Variants in DCC observed in about 807,000 individuals in gnomAD.
The protein encoded by DCC is netrin receptor DCC.
Under a neutral mutation model 172.5 loss-of-function variants are expected in DCC, and 58 were observed. The observed-to-expected ratio is 0.34, with a 90% CI of 0.27 to 0.42. The LOEUF (loss-of-function observed/expected upper bound fraction) is 0.42, where lower values mean the gene tolerates loss of function less well. Ranked by LOEUF, DCC falls within the 10% of genes least tolerant of loss-of-function variation. The pLI, the probability that DCC is intolerant of heterozygous loss-of-function variation, is 1.00. For missense variants in DCC, 1,740 were observed against 1,791.0 expected (o/e 0.97, Z 0.51); for synonymous variants, 709 against 644.5 (o/e 1.10, Z -1.52).
intron 1 of DCC, among the ~76,000 whole-genome samples, chr18:52,355,523 C>T (rs751288903): frequency 2.0e-5 from 3 of 152,190 alleles, no homozygotes; most frequent in Non-Finnish European, 2.9e-5. Context: ...AAACATTACA[C>T]TCAAGGATTA....
chr18:52,541,873 G>GTGTGTATATATATATATATATATATA (rs1555695209), intron 1 of DCC, among the ~76,000 whole-genome samples: 4 of 30,056 alleles, frequency 1.3e-4, no homozygotes, highest in South Asian at 8.9e-4. Flanking sequence ...ATGTGTGTGT[G>GTGTGTATATATATATATATATATATA]TGTATATATA....
intron 5 of DCC, among the ~76,000 whole-genome samples, chr18:52,962,179 A>G (rs1336736300): frequency 6.6e-6 from 1 of 151,252 alleles, no homozygotes; most frequent in Non-Finnish European, 1.5e-5. Context: ...GCAACCTACA[A>G]AATGGGAGAA....
intron 12 of DCC, among the ~76,000 whole-genome samples, chr18:53,224,971 G>A (rs1449564607): frequency 6.6e-6 from 1 of 152,142 alleles, no homozygotes; most frequent in African/African-American, 2.4e-5. Context: ...ACTACAGTTA[G>A]AAAAAATATG....
At chr18:52,692,312 T>C (rs994246949) in intron 1 of DCC, among the ~76,000 whole-genome samples, 1 of 152,184 alleles carries the variant, frequency 6.6e-6, no homozygotes, top group Non-Finnish European at 1.5e-5. Flanking sequence ...AATCAAACTT[T>C]AAGGGAAGCT....
At position 53,279,413 on chromosome 18, in the gene DCC, C is replaced by T. The variant is rs369845572; in HGVS notation, c.1912-26165C>T. ...ATCGCAAGGACAAAAAACCAAATACCGCATGTTTTCACTCATAGGTGGGAA... is the reference window on the plus strand; with the variant it reads ...ATCGCAAGGACAAAAAACCAAATACTGCATGTTTTCACTCATAGGTGGGAA... On this transcript the variant is annotated intron_variant, in intron 12 of 28. Coordinates refer to ENST00000442544, the MANE Select transcript of DCC (RefSeq NM_005215.4). Among the ~76,000 whole-genome samples, 21 of 146,588 alleles carry T rather than the reference C, an allele frequency of 1.4e-4. No homozygotes were observed. In the East Asian group the frequency reaches 2.9e-3, roughly 21 times the overall value.
intron 1 of DCC, among the ~76,000 whole-genome samples, chr18:52,740,074 A>G (rs1486381625): frequency 2.6e-5 from 4 of 152,140 alleles, no homozygotes; most frequent in African/African-American, 9.7e-5. Flanking sequence ...CCTTCAGGTG[A>G]AGACACATGA....
At chr18:53,425,664 CT>C (rs1318531757) in intron 21 of DCC, among the ~76,000 whole-genome samples, 1 of 151,992 alleles carries the variant, frequency 6.6e-6, no homozygotes, top group African/African-American at 2.4e-5. Context: ...TCCTGGCCCC[CT>C]ATTCCTTCTT....
intron 1 of DCC, among the ~76,000 whole-genome samples, chr18:52,705,964 A>C (rs1230959311): frequency 1.3e-5 from 2 of 152,174 alleles, no homozygotes; most frequent in Non-Finnish European, 2.9e-5. Flanking sequence ...GTTAACAAAG[A>C]ATGTAGGTCA....
Position 53,526,211 on chromosome 18 carries a change from C to T in DCC, c.4112-406C>T, listed in dbSNP as rs565082000. 2.0e-5 allele frequency among the ~76,000 whole-genome samples: 3 copies of T among 152,262 alleles called. No individual in the cohort carries two copies. The East Asian group carries it at 5.8e-4, about 29-fold the overall frequency. On this transcript the variant is annotated intron_variant, in intron 27 of 28. Transcript: ENST00000442544. ...AGAGCAACCATCTCTTCTAACTCTG[C>T]AAATCTTCCTTGGTTCTGCTATGCA...
chr18:53,463,196 T>C (rs2045580708), intron 24 of DCC, among the ~76,000 whole-genome samples: 1 of 152,234 alleles, frequency 6.6e-6, no homozygotes, highest in Non-Finnish European at 1.5e-5. Flanking sequence ...GTTTTGCCAA[T>C]GACTTCTAAG....
rs2042029295 is a variant in DCC, at chr18:53,031,789, A to G, written c.986-31516A>G. On this transcript the variant is annotated intron_variant, in intron 5 of 28. Transcript: ENST00000442544. ...TTGGGAAGGACTCCTAAGGTTTTGT[A>G]ACATACTCTTTGTAGCATATGTTTT... is the stretch of plus-strand genomic sequence containing the variant. Among the ~76,000 whole-genome samples the G allele has an allele frequency of 1.3e-5, 2 of 152,152 alleles. 1 individual carries two copies.
At chr18:53,111,758 T>G (rs1054580823) in intron 7 of DCC, among the ~76,000 whole-genome samples, 1 of 151,680 alleles carries the variant, frequency 6.6e-6, no homozygotes, top group Non-Finnish European at 1.5e-5. Context: ...TTGGAATTAA[T>G]TGAATAACTG....
intron 1 of DCC, among the ~76,000 whole-genome samples, chr18:52,743,334 G>T (rs886560290): frequency 2.6e-5 from 4 of 152,192 alleles, no homozygotes; most frequent in Admixed American, 2.6e-4. Context: ...ATCAAACTGA[G>T]AGGGAAGAAG....
chr18:52,766,122 C>T (rs1203410988), intron 2 of DCC, among the ~76,000 whole-genome samples: 9 of 152,098 alleles, frequency 5.9e-5, no homozygotes, highest in South Asian at 2.1e-4. Context: ...ATTTTGGTGC[C>T]GGTAGGATCA....
intron 1 of DCC, among the ~76,000 whole-genome samples, chr18:52,448,125 G>A (rs1988183078): frequency 6.6e-6 from 1 of 152,154 alleles, no homozygotes; most frequent in Non-Finnish European, 1.5e-5. Flanking sequence ...ATTTCTGCTT[G>A]AGCTCCACCT....
rs140037032 is a variant in DCC, at chr18:52,368,087, C to T, written c.91+27209C>T. ...CCTGCTGTTTGAGACTGGGTTAAAT[C>T]TGCTCTTGTCTAGAGGCATAGGAAA... On this transcript the variant is annotated intron_variant, in intron 1 of 28. Transcript: ENST00000442544. Among the ~76,000 whole-genome samples the T allele has an allele frequency of 2.2e-3, 334 of 152,326 alleles. 4 individuals carry two copies. The highest frequency in any genetic ancestry group is 7.8e-3 in the African/African-American group (325 of 41,578).
chr18:52,503,245 G>A (rs1315070862), intron 1 of DCC, among the ~76,000 whole-genome samples: 1 of 152,138 alleles, frequency 6.6e-6, no homozygotes, highest in Admixed American at 6.5e-5. Context: ...ACAAGTCACT[G>A]TTAAACTAGG....
At chr18:52,349,291 G>A (rs1831708929) in intron 1 of DCC, among the ~76,000 whole-genome samples, 1 of 152,152 alleles carries the variant, frequency 6.6e-6, no homozygotes, top group Admixed American at 6.5e-5. Context: ...AGAGGCCTCT[G>A]TAGTGTGTTG....
chr18:53,150,774 C>T (rs1392632814), intron 7 of DCC, among the ~76,000 whole-genome samples: 2 of 152,122 alleles, frequency 1.3e-5, no homozygotes, highest in Non-Finnish European at 2.9e-5. Flanking sequence ...TGAGGTCTTC[C>T]TGGAATTGAG....
Sources: gnomAD v4.1 joint callset for allele counts (sites outside exome capture counted in the v4.1 genomes callset) on GRCh38, gnomAD v4.1.1 for gene constraint, MANE v1.5 for transcripts, NCBI Gene and HGNC (gene_info 2026-07-23, HGNC 2026-07-21) for gene names.